Variants in PCBD1 observed in about 807,000 individuals in gnomAD.
PCBD1 encodes the protein pterin-4-alpha-carbinolamine dehydratase.
In PCBD1, 16 loss-of-function variants were observed where a neutral mutation model predicts 12.6. That is an observed-to-expected ratio of 1.27 (90% CI 0.86 to 1.93). The LOEUF (loss-of-function observed/expected upper bound fraction) is 1.93, where lower values mean the gene tolerates loss of function less well. Among genes scored for constraint, PCBD1 ranks in the 30% most tolerant of loss-of-function variants. PCBD1 has a pLI of 0.00. For synonymous variants in PCBD1, 53 were observed against 50.2 expected, an observed-to-expected ratio of 1.05 and a Z score of -0.23; for missense variants, 86 against 130.1, an observed-to-expected ratio of 0.66 and a Z score of 1.65.
chr10:70,885,940 GA>G lies in PCBD1; in HGVS notation c.4-12del. On this transcript the variant is annotated splice_polypyrimidine_tract_variant and intron_variant, in intron 1 of 3. Transcript: ENST00000299299. ...GTGTGCTTTGCCAGCCTAGAAGAGG[GA>G]AAAAAACAGAGGCCCAAGGGCATTT... 1.2e-6 allele frequency: 2 copies of G among 1,613,190 alleles called. No homozygotes were observed. Among genetic ancestry groups the G allele is most frequent in the Non-Finnish European group, 1.7e-6 (2 of 1,179,794 alleles).
intron 1 of PCBD1, among the ~76,000 whole-genome samples, chr10:70,886,510 C>T (rs750056224): frequency 3.9e-5 from 6 of 152,222 alleles, no homozygotes; most frequent in Admixed American, 1.3e-4. Context: ...CCAGTGATGG[C>T]GCAGTGTTGT....
At chr10:70,885,285 G>T in intron 2 of PCBD1, 53 bp from the exon 3 acceptor site, 1 of 1,377,414 alleles carries the variant, frequency 7.3e-7, no homozygotes, top group Non-Finnish European at 1.0e-6. Context: ...AGGACTTCTG[G>T]ACATCACCAA....
downstream of PCBD1, chr10:70,882,303 T>G (rs964288841): frequency 1.3e-5 from 2 of 152,338 alleles, no homozygotes; most frequent in Middle Eastern, 3.4e-3. Context: ...ATATCTGATA[T>G]GATAGGCCTG....
intron 1 of PCBD1, among the ~76,000 whole-genome samples, chr10:70,887,270 T>TG (rs1846598385): frequency 6.6e-6 from 1 of 152,208 alleles, no homozygotes; most frequent in Admixed American, 6.5e-5. Context: ...TGGTAGCATT[T>TG]GGGGTAGCTG....
At chr10:70,888,400 C>A in intron 1 of PCBD1, 131 bp downstream of exon 1, 1 of 1,047,558 alleles carries the variant, frequency 9.5e-7, no homozygotes. Flanking sequence ...CGGGCAGAGA[C>A]CCCACTTTCG....
At chr10:70,886,662 C>A (rs950687973) in intron 1 of PCBD1, among the ~76,000 whole-genome samples, 4 of 152,252 alleles carry the variant, frequency 2.6e-5, no homozygotes, top group Non-Finnish European at 4.4e-5. Flanking sequence ...AGCCTCTGGT[C>A]CTGAGCCGCC....
At chr10:70,884,115 C>T in intron 3 of PCBD1, 67 bp from the exon 4 acceptor site, 2 of 1,539,172 alleles carry the variant, frequency 1.3e-6, no homozygotes, top group Non-Finnish European at 1.8e-6. Flanking sequence ...TCACTAGCTG[C>T]TGGGCTCAGC....
chr10:70,888,090 G>C (rs1264945573), intron 1 of PCBD1: 1 of 156,390 alleles, frequency 6.4e-6, no homozygotes, highest in Non-Finnish European at 1.4e-5. Context: ...CCCGTACCCA[G>C]AGTGCCAGCG....
At chr10:70,883,296 GT>G (rs1821552881), downstream of PCBD1, among the ~76,000 whole-genome samples, 1 of 152,274 alleles carries the variant, frequency 6.6e-6, no homozygotes, top group South Asian at 2.1e-4. Context: ...TAGTTAATTG[GT>G]AATTGGTAAT....
At position 70,883,669 on chromosome 10, in the gene PCBD1, A is replaced by T; in HGVS notation, c.*281T>A. On this transcript the variant is annotated 3_prime_UTR_variant, in exon 4 of 4. Coordinates refer to ENST00000299299, the MANE Select transcript of PCBD1 (RefSeq NM_000281.4). ...GGGAGCAAGAGACGGCCTGGCAAGA[A>T]AATCATTATTGTTGCTGGGAAGTTG... 1 of 1,315,554 alleles carries T rather than the reference A, an allele frequency of 7.6e-7. No individual in the cohort carries two copies. Among genetic ancestry groups the T allele is most frequent in the Non-Finnish European group, 9.8e-7 (1 of 1,024,650 alleles). The allele number at this position is 1,315,554 out of a possible 1,614,324, so 81.5% of individuals were successfully genotyped here. A position where few individuals can be genotyped will look rare whatever the true frequency, so the allele number is the denominator to read the frequency against.
At position 70,885,917 on chromosome 10, in the gene PCBD1, G is replaced by A; in HGVS notation, c.16C>T (p.His6Tyr). The A allele has an allele frequency of 6.2e-7, 1 of 1,613,970 alleles. No homozygotes were observed. ...TCCCTCTCCTCAGCGCTCAGCCTGTGTGCTTTGCCAGCCTAGAAGAGGGAA... is the reference window on the plus strand; with the variant it reads ...TCCCTCTCCTCAGCGCTCAGCCTGTATGCTTTGCCAGCCTAGAAGAGGGAA... MAGKA[H>Y]RLSAEERDQL... Residue 6 changes from histidine (H) to tyrosine (Y), a missense_variant, in exon 2 of 4, where the codon CAC becomes TAC. By Grantham distance (83) the His-to-Tyr change is moderately conservative. Coordinates refer to ENST00000299299, the MANE Select transcript of PCBD1 (RefSeq NM_000281.4).
intron 1 of PCBD1, among the ~76,000 whole-genome samples, chr10:70,886,839 A>G (rs1057285788): frequency 6.6e-6 from 1 of 152,250 alleles, no homozygotes; most frequent in African/African-American, 2.4e-5. Context: ...AATTCAGGCC[A>G]TGAGTGGAAC....
Position 70,883,784 on chromosome 10 carries a change from T to G in PCBD1, c.*166A>C. The G allele has an allele frequency of 2.4e-5, 36 of 1,507,222 alleles. No individual in the cohort carries two copies. The highest frequency in any genetic ancestry group is 8.0e-5 in the Admixed American group (4 of 49,954). 93.4% of individuals were successfully genotyped at this position (1,507,222 alleles called of 1,614,324 possible). A position where few individuals can be genotyped will look rare whatever the true frequency, so the allele number is the denominator to read the frequency against. ...AGGGAAAAGGTCTAAATTCCTGGTG[T>G]TGGTGGGGACACTGGCACATCCCAC... On this transcript the variant is annotated 3_prime_UTR_variant, in exon 4 of 4. Transcript: ENST00000299299.
intron 1 of PCBD1, 159 bp downstream of exon 1, chr10:70,888,372 C>G (rs1240925271): frequency 1.3e-6 from 1 of 747,422 alleles, no homozygotes; most frequent in African/African-American, 1.9e-5. Context: ...CCCCTCCCCG[C>G]CGCCAGCGAC....
rs1846571525 is a variant in PCBD1 at position 70,885,737 on chromosome 10, G to A, written c.135+61C>T. ...AACAAGACGTGAAGGGAGAGAACAT[G>A]CTTTGTAAGGTGACCCCATCAGCCC... On this transcript the variant is annotated intron_variant, in intron 2 of 3. Coordinates refer to ENST00000299299, the MANE Select transcript of PCBD1 (RefSeq NM_000281.4). The A allele has an allele frequency of 3.1e-6, 5 of 1,601,738 alleles. No homozygotes were observed. The South Asian group carries it at 4.4e-5, about 14-fold the overall frequency.
In PCBD1 at chr10:70,883,548, CAT is replaced by C. The variant is rs1287066508; in HGVS notation, c.*400_*401del. On this transcript the variant is annotated 3_prime_UTR_variant, in exon 4 of 4. Transcript: ENST00000299299. ...TAGTTTTATTTGAGACATAAAAACACATGTGTTTCTATTACATAGTGTGGGGT... is the reference window on the plus strand; with the variant it reads ...TAGTTTTATTTGAGACATAAAAACACGTGTTTCTATTACATAGTGTGGGGT... The C allele has an allele frequency of 9.0e-6, 10 of 1,109,342 alleles. No individual in the cohort carries two copies. Among genetic ancestry groups the C allele is most frequent in the East Asian group, 1.3e-4 (2 of 15,576 alleles). 68.7% of individuals were successfully genotyped at this position (1,109,342 alleles called of 1,614,324 possible).
chr10:70,884,478 AT>A (rs71012255), intron 3 of PCBD1, among the ~76,000 whole-genome samples: 20 of 108,440 alleles, frequency 1.8e-4, no homozygotes, highest in African/African-American at 3.7e-4. Flanking sequence ...ATGTGTCTGT[AT>A]TTTTTTTTTT....
intron 1 of PCBD1, among the ~76,000 whole-genome samples, chr10:70,887,695 G>C (rs1846607174): frequency 6.6e-6 from 1 of 152,152 alleles, no homozygotes; most frequent in South Asian, 2.1e-4. Context: ...AGACAGAGAG[G>C]GGGACGCTGC....
chr10:70,883,699 GA>G lies in PCBD1; in HGVS notation c.*250del. ...ATTATTGTTGCTGGGAAGTTGCAAAGAAAGGGGAGAGTTTATTCAAATTAGT... is the reference window on the plus strand; with the variant it reads ...ATTATTGTTGCTGGGAAGTTGCAAAGAAGGGGAGAGTTTATTCAAATTAGT... On this transcript the variant is annotated 3_prime_UTR_variant, in exon 4 of 4. Coordinates refer to ENST00000299299, the MANE Select transcript of PCBD1 (RefSeq NM_000281.4). 5 of 1,364,154 alleles carry G rather than the reference GA, an allele frequency of 3.7e-6. No homozygotes were observed. The highest frequency in any genetic ancestry group is 4.7e-6 in the Non-Finnish European group (5 of 1,055,056). The allele number at this position is 1,364,154 out of a possible 1,614,324, so 84.5% of individuals were successfully genotyped here. A position where few individuals can be genotyped will look rare whatever the true frequency, so the allele number is the denominator to read the frequency against.
Sources: gnomAD v4.1 joint callset for allele counts (sites outside exome capture counted in the v4.1 genomes callset) on GRCh38, gnomAD v4.1.1 for gene constraint, MANE v1.5 for transcripts, NCBI Gene and HGNC (gene_info 2026-07-23, HGNC 2026-07-21) for gene names.